SBF2: variants seen among roughly 807,000 people sequenced by gnomAD.
The protein encoded by SBF2 is myotubularin-related protein 13.
A neutral mutation model predicts 225.2 loss-of-function variants in SBF2; 112 were observed. The ratio of observed to expected loss-of-function variants is 0.50; its 90% CI spans 0.43 to 0.58. The LOEUF is 0.58. SBF2 is among the 20% of genes least tolerant of loss of function. SBF2 has a pLI of 0.00. For synonymous variants in SBF2, 763 were observed against 773.3 expected (o/e 0.99, Z 0.22); for missense variants, 1,996 against 2,206.2 (o/e 0.90, Z 1.91).
intron 15 of SBF2, among the ~76,000 whole-genome samples, chr11:9,963,396 T>C (rs957005730): frequency 1.3e-5 from 2 of 151,986 alleles, no homozygotes; most frequent in African/African-American, 4.8e-5. Flanking sequence ...ACTTGGGACG[T>C]AGAGGCTGCA....
At chr11:10,248,944 A>C (rs1591303338) in intron 1 of SBF2, among the ~76,000 whole-genome samples, 2 of 152,264 alleles carry the variant, frequency 1.3e-5, no homozygotes, top group Admixed American at 1.3e-4. Context: ...AAATACAAAA[A>C]AATTAGCTGG....
At position 9,853,558 on chromosome 11, in the gene SBF2, G is replaced by C. The variant is rs1857112856; in HGVS notation, c.2518C>G (p.Leu840Val). 1 of 1,613,770 alleles carries C rather than the reference G, an allele frequency of 6.2e-7. No homozygotes were observed. Among genetic ancestry groups the C allele is most frequent in the African/African-American group, 1.3e-5 (1 of 74,898 alleles). ...SGVTQDHIKSLHCMIPGIVAM... is the reference protein window; with the variant it reads ...SGVTQDHIKSVHCMIPGIVAM... ...TGATTACCTGGTATCATGCAATGAAGGCTCTTGATGTGATCCTGAGTAACT... is the reference window on the plus strand; with the variant it reads ...TGATTACCTGGTATCATGCAATGAACGCTCTTGATGTGATCCTGAGTAACT... Residue 840 changes from leucine to valine, a missense_variant, in exon 20 of 40, where the codon CTT (leucine) becomes GTT (valine). Leu to Val is a conservative substitution (Grantham distance 32). Transcript: ENST00000256190.
At chr11:9,861,675 A>AG (rs1366535854) in intron 17 of SBF2, among the ~76,000 whole-genome samples, 1 of 151,852 alleles carries the variant, frequency 6.6e-6, no homozygotes, top group Non-Finnish European at 1.5e-5. Flanking sequence ...AAAAAAAAAA[A>AG]AAAAAAAATG....
At chr11:10,277,209 CG>C (rs1963026174) in intron 1 of SBF2, among the ~76,000 whole-genome samples, 1 of 150,554 alleles carries the variant, frequency 6.6e-6, no homozygotes, top group African/African-American at 2.4e-5. Context: ...CGCTTGAGCC[CG>C]GGAGTTTGAG....
At chr11:10,163,747 T>C (rs898769482) in intron 2 of SBF2, among the ~76,000 whole-genome samples, 7 of 152,138 alleles carry the variant, frequency 4.6e-5, no homozygotes, top group African/African-American at 1.4e-4. Context: ...TTAATATACA[T>C]AGAGTGCTTA....
Position 9,968,472 on chromosome 11 carries a change from A to C in SBF2, c.1469T>G (p.Ile490Ser), listed in dbSNP as rs1191821732. The C allele has an allele frequency of 6.2e-7, 1 of 1,614,188 alleles. No homozygotes were observed. Among genetic ancestry groups the C allele is most frequent in the Non-Finnish European group, 8.5e-7 (1 of 1,180,012 alleles). ...TTCATTAATCTCTGGGAAAGGAAGA[A>C]TATGAACTCGCAAATGGGATCCTTC... is the stretch of plus-strand genomic sequence containing the variant. Reference protein sequence around the residue: ...PTEGSHLRVHILPFPEINEAR... With the variant: ...PTEGSHLRVHSLPFPEINEAR... The change falls in exon 14 of 40, where the codon ATT (isoleucine) becomes AGT (serine). Residue 490 changes from isoleucine to serine, a missense_variant. Coordinates refer to ENST00000256190, the MANE Select transcript of SBF2 (RefSeq NM_030962.4).
intron 2 of SBF2, among the ~76,000 whole-genome samples, chr11:10,109,181 A>G (rs1318850630): frequency 1.4e-5 from 2 of 145,106 alleles, no homozygotes; most frequent in Non-Finnish European, 3.1e-5. Flanking sequence ...GTTCAAAGGT[A>G]TGTGTGTATA....
At chr11:10,081,769 A>AAG (rs1447264934) in intron 2 of SBF2, among the ~76,000 whole-genome samples, 1 of 151,608 alleles carries the variant, frequency 6.6e-6, no homozygotes, top group Non-Finnish European at 1.5e-5. Context: ...CAAAAAAAAA[A>AAG]AAAAAGAAAA....
intron 2 of SBF2, among the ~76,000 whole-genome samples, chr11:10,077,959 C>T (rs1273829758): frequency 6.6e-6 from 1 of 152,140 alleles, no homozygotes; most frequent in Admixed American, 6.5e-5. Context: ...CAAACAACCT[C>T]ATCAACAAGT....
chr11:9,898,718 A>G (rs1861475097), intron 16 of SBF2, among the ~76,000 whole-genome samples: 1 of 152,216 alleles, frequency 6.6e-6, no homozygotes, highest in Admixed American at 6.5e-5. Flanking sequence ...AGTCATTCTC[A>G]TATGGCTCAC....
intron 6 of SBF2, among the ~76,000 whole-genome samples, chr11:10,017,740 A>G (rs1948706696): frequency 6.6e-6 from 1 of 152,216 alleles, no homozygotes; most frequent in South Asian, 2.1e-4. Flanking sequence ...TGAATTAAAT[A>G]TATTTTACAC....
chr11:9,961,686 G>C (rs1866579545), intron 16 of SBF2: 1 of 352,466 alleles, frequency 2.8e-6, no homozygotes, highest in Non-Finnish European at 5.2e-6. Flanking sequence ...ATGCTTTAAA[G>C]ATGACTTTTC....
rs766353139 is a variant in SBF2 at position 9,812,586 on chromosome 11, A to C, written c.4101T>G (p.Thr1367=). 88 of 1,614,140 alleles carry C rather than the reference A, an allele frequency of 5.5e-5. No individual in the cohort carries two copies. Among genetic ancestry groups the C allele is most frequent in the Non-Finnish European group, 7.4e-5 (87 of 1,180,056 alleles). The change falls in exon 30 of 40, where the codon ACT becomes ACG. Residue 1367 remains threonine (T), a synonymous_variant. Transcript: ENST00000256190. ...CTTTCAGGAAGGTCACTTCTGAGTC[A>C]GTAGGGATGGTGCTTGGGATACAAG... The part of the protein sequence containing the change: ...MRACIPSTIP[T]DSEVTFLKAL...
chr11:10,262,311 G>T lies in SBF2; in HGVS notation c.55+31704C>A, dbSNP rs113473693. Among the ~76,000 whole-genome samples, 184 of 152,250 alleles carry T rather than the reference G, an allele frequency of 1.2e-3. 1 individual carries two copies. Among genetic ancestry groups the T allele is most frequent in the African/African-American group, 3.6e-3 (148 of 41,542 alleles). On this transcript the variant is annotated intron_variant, in intron 1 of 39. Coordinates refer to ENST00000256190, the MANE Select transcript of SBF2 (RefSeq NM_030962.4). ...ACAAAGTGTAGGTAGTACTATACAG[G>T]CGTTTGGTATAAATTCTTTCAACTT... is the stretch of plus-strand genomic sequence containing the variant.
intron 16 of SBF2, chr11:9,959,254 T>C (rs982777979): frequency 1.2e-5 from 9 of 775,850 alleles, no homozygotes; most frequent in Non-Finnish European, 1.9e-5. Context: ...GACTCCAGAA[T>C]ACAAGCAGGC....
At chr11:10,159,556 T>C (rs1236291726) in intron 2 of SBF2, among the ~76,000 whole-genome samples, 1 of 152,190 alleles carries the variant, frequency 6.6e-6, no homozygotes, top group African/African-American at 2.4e-5. Context: ...ATTTCATTCC[T>C]GACCAATCAG....
At chr11:10,162,498 T>C (rs1955795870) in intron 2 of SBF2, among the ~76,000 whole-genome samples, 1 of 152,300 alleles carries the variant, frequency 6.6e-6, no homozygotes, top group Admixed American at 6.5e-5. Flanking sequence ...GCAACTAAAA[T>C]AGCATTGGTT....
chr11:10,273,300 A>C (rs1962688066), intron 1 of SBF2, among the ~76,000 whole-genome samples: 1 of 152,220 alleles, frequency 6.6e-6, no homozygotes, highest in Non-Finnish European at 1.5e-5. Context: ...GCACAAGTTA[A>C]ATCAGCCCAG....
intron 2 of SBF2, among the ~76,000 whole-genome samples, chr11:10,178,618 G>A (rs1956580164): frequency 6.8e-6 from 1 of 147,082 alleles, no homozygotes; most frequent in Non-Finnish European, 1.5e-5. Flanking sequence ...GGCCATCAGA[G>A]AAATGCAAAT....
Sources: gnomAD v4.1 joint callset for allele counts (sites outside exome capture counted in the v4.1 genomes callset) on GRCh38, gnomAD v4.1.1 for gene constraint, MANE v1.5 for transcripts, NCBI Gene and HGNC (gene_info 2026-07-23, HGNC 2026-07-21) for gene names.